The following ANO1 variants were observed in gnomAD, a reference collection of about 807,000 sequenced individuals.
The protein encoded by ANO1 is anoctamin-1.
In ANO1, 59 loss-of-function variants were observed where a neutral mutation model predicts 124.0. That is an observed-to-expected ratio of 0.48 (90% CI 0.39 to 0.59). ANO1 has a LOEUF of 0.59. Ranked by LOEUF, ANO1 falls within the 20% of genes least tolerant of loss-of-function variation. The probability of loss-of-function intolerance (pLI) is 0.00; values close to 1 mark genes in which losing one functional copy is unlikely to be tolerated. For synonymous variants in ANO1, 529 were observed against 532.0 expected, an observed-to-expected ratio of 0.99 and a Z score of 0.08; for missense variants, 1,059 against 1,328.0, an observed-to-expected ratio of 0.80 and a Z score of 3.15.
chr11:70,125,540 G>A (rs1458909458), intron 9 of ANO1, among the ~76,000 whole-genome samples: 1 of 148,542 alleles, frequency 6.7e-6, no homozygotes, highest in African/African-American at 2.5e-5. Context: ...AAGAAAGAAA[G>A]GAAAAGAAAA....
rs117215515 is a variant in ANO1, at chr11:70,019,426, G to A, written c.58+33260G>A. Among the ~76,000 whole-genome samples, 124 of 152,258 alleles carry A rather than the reference G, an allele frequency of 8.1e-4. 2 individuals carry two copies. In the East Asian group the frequency reaches 0.016, roughly 19 times the overall value. ...AAAGCAAGGAAACCGTTACATTAAG[G>A]AACAGGACTCGAGAGGGTGCCGCAG... On this transcript the variant is annotated intron_variant, in intron 1 of 27. Transcript: ENST00000531349.
intron 22 of ANO1, among the ~76,000 whole-genome samples, chr11:70,178,252 A>T (rs2048802031): frequency 6.6e-6 from 1 of 152,314 alleles, no homozygotes; most frequent in South Asian, 2.1e-4. Flanking sequence ...CTCCTAAGGG[A>T]GTGCTTCAGT....
At chr11:70,078,048 G>A (rs2044086302), upstream of ANO1, among the ~76,000 whole-genome samples, 1 of 152,046 alleles carries the variant, frequency 6.6e-6, no homozygotes, top group Non-Finnish European at 1.5e-5. Flanking sequence ...AGGCGGAGGT[G>A]ACGCGCCACA....
intron 22 of ANO1, among the ~76,000 whole-genome samples, chr11:70,172,127 AAAAAAAAAAGAAAAG>A (rs1310789555): frequency 6.9e-6 from 1 of 145,132 alleles, no homozygotes; most frequent in Non-Finnish European, 1.5e-5. Context: ...CTTAAAAAAA[AAAAAAAAAAGAAAAG>A]AAAAGAAAAG....
rs985300513 is a variant in ANO1 at position 70,144,903 on chromosome 11, C to T, written c.1259-4807C>T. Among the ~76,000 whole-genome samples the T allele has an allele frequency of 7.9e-5, 12 of 152,290 alleles. 1 individual carries two copies. In the Middle Eastern group the frequency reaches 0.01, roughly 129 times the overall value. On this transcript the variant is annotated intron_variant, in intron 11 of 25. Transcript: ENST00000355303. ...AGCTATGTGTCTATAAAATGGAGTGCGTCGTCCCTGCGTGGAGGGGGCCGG... is the reference window on the plus strand; with the variant it reads ...AGCTATGTGTCTATAAAATGGAGTGTGTCGTCCCTGCGTGGAGGGGGCCGG...
At chr11:70,124,697 G>A (rs1284259776) in intron 9 of ANO1, among the ~76,000 whole-genome samples, 1 of 152,148 alleles carries the variant, frequency 6.6e-6, no homozygotes, top group Non-Finnish European at 1.5e-5. Flanking sequence ...CGGCGGGAGG[G>A]TTTTCCGGAT....
chr11:70,062,502 G>A (rs1195929942), intron 1 of ANO1, among the ~76,000 whole-genome samples: 1 of 152,240 alleles, frequency 6.6e-6, no homozygotes, highest in Non-Finnish European at 1.5e-5. Flanking sequence ...CAGAACAACT[G>A]AGAACTTGTG....
intron 1 of ANO1, chr11:70,085,770 C>A: frequency 7.4e-7 from 1 of 1,355,008 alleles, no homozygotes; most frequent in African/African-American, 1.5e-5. Context: ...CCCTCCCCCT[C>A]TCCCCCACTG....
intron 1 of ANO1, among the ~76,000 whole-genome samples, chr11:70,011,448 A>G (rs531624823): frequency 6.6e-6 from 1 of 152,188 alleles, no homozygotes; most frequent in African/African-American, 2.4e-5. Context: ...AGTATGTGCC[A>G]GCTTCCCACA....
chr11:70,075,344 C>T (rs1397009871), upstream of ANO1: 3 of 152,106 alleles, frequency 2.0e-5, no homozygotes, highest in Non-Finnish European at 4.4e-5. Flanking sequence ...TCCCCGGTGA[C>T]TATTAAAATG....
chr11:70,085,524 G>A, intron 1 of ANO1: 1 of 1,536,106 alleles, frequency 6.5e-7, no homozygotes, highest in Non-Finnish European at 8.7e-7. Context: ...ACCAGATGCT[G>A]ACCAGGCCCT....
chr11:70,001,874 G>T (rs544806557), intron 1 of ANO1, among the ~76,000 whole-genome samples: 1 of 151,872 alleles, frequency 6.6e-6, no homozygotes, highest in South Asian at 2.1e-4. Flanking sequence ...ATCTCAGCTC[G>T]CTGCAACCTC....
intron 1 of ANO1, among the ~76,000 whole-genome samples, chr11:70,039,395 G>T (rs1857146224): frequency 6.6e-6 from 1 of 152,200 alleles, no homozygotes; most frequent in South Asian, 2.1e-4. Context: ...AATAATGTAT[G>T]TTAATAGCAA....
chr11:69,976,571 T>G, the ANO1 span, among the ~76,000 whole-genome samples: 31 of 116,088 alleles, frequency 2.7e-4, no homozygotes, highest in Non-Finnish European at 2.9e-4. Flanking sequence ...GAGAGAGAGA[T>G]TAGGACACAC....
intron 2 of ANO1, among the ~76,000 whole-genome samples, chr11:70,095,356 AAG>A (rs568306859): frequency 0.031 from 520 of 16,962 alleles, 38 homozygotes; most frequent in African/African-American, 0.072. Context: ...AAAAGAAAGA[AAG>A]AAAGAAAGAA....
intron 14 of ANO1, among the ~76,000 whole-genome samples, chr11:70,154,304 C>T (rs2047717142): frequency 6.6e-6 from 1 of 152,010 alleles, no homozygotes; most frequent in Non-Finnish European, 1.5e-5. Flanking sequence ...GGACAGTGCT[C>T]ACAGGTCCAA....
chr11:70,014,233 A>G (rs542323805), intron 1 of ANO1, among the ~76,000 whole-genome samples: 1 of 151,880 alleles, frequency 6.6e-6, no homozygotes, highest in South Asian at 2.1e-4. Context: ...CACTCATGTG[A>G]CTAGCACTAA....
intron 6 of ANO1, among the ~76,000 whole-genome samples, chr11:70,111,362 G>C (rs559527166): frequency 3.9e-5 from 6 of 152,188 alleles, no homozygotes; most frequent in Non-Finnish European, 7.3e-5. Flanking sequence ...TCGGACAGGT[G>C]GGGGGAGCCG....
At chr11:70,015,384 G>T (rs1385685727) in intron 1 of ANO1, among the ~76,000 whole-genome samples, 2 of 152,118 alleles carry the variant, frequency 1.3e-5, no homozygotes, top group Non-Finnish European at 2.9e-5. Context: ...CCCTCAGGGG[G>T]ATATGATCCA....
Sources: gnomAD v4.1 joint callset for allele counts (sites outside exome capture counted in the v4.1 genomes callset) on GRCh38, gnomAD v4.1.1 for gene constraint, MANE v1.5 for transcripts, NCBI Gene and HGNC (gene_info 2026-07-23, HGNC 2026-07-21) for gene names.